CACNA2D1: variants seen among roughly 807,000 people sequenced by gnomAD.
CACNA2D1 encodes voltage-dependent calcium channel subunit alpha-2/delta-1.
CACNA2D1 carries 53 observed loss-of-function variants against 171.5 expected under a neutral mutation model. The ratio of observed to expected loss-of-function variants is 0.31; its 90% CI spans 0.25 to 0.39. The LOEUF (loss-of-function observed/expected upper bound fraction) is 0.39. Among genes scored for constraint, CACNA2D1 ranks in the 10% least tolerant of loss-of-function variants. The pLI is 1.00. For missense variants in CACNA2D1, 903 were observed against 1,299.8 expected, an observed-to-expected ratio of 0.69 and a Z score of 4.69; for synonymous variants, 442 against 443.1, an observed-to-expected ratio of 1.00 and a Z score of 0.03.
At chr7:82,015,210 A>G (rs1173065072) in intron 12 of CACNA2D1, among the ~76,000 whole-genome samples, 1 of 152,348 alleles carries the variant, frequency 6.6e-6, no homozygotes, top group African/African-American at 2.4e-5. Context: ...GTAATGAAAA[A>G]GTATTCAGAA....
At chr7:82,147,486 A>C (rs1314274866) in intron 4 of CACNA2D1, among the ~76,000 whole-genome samples, 1 of 152,156 alleles carries the variant, frequency 6.6e-6, no homozygotes, top group African/African-American at 2.4e-5. Flanking sequence ...AATCTCCTTT[A>C]ATCTGTAATT....
intron 3 of CACNA2D1, among the ~76,000 whole-genome samples, chr7:82,174,128 G>C (rs1368920449): frequency 7.0e-6 from 1 of 142,586 alleles, no homozygotes; most frequent in Non-Finnish European, 1.5e-5. Flanking sequence ...TGTTTCCATA[G>C]TTGGCTATAT....
chr7:82,405,321 T>C (rs1826904423), intron 1 of CACNA2D1, among the ~76,000 whole-genome samples: 1 of 152,156 alleles, frequency 6.6e-6, no homozygotes, highest in Non-Finnish European at 1.5e-5. Context: ...AGAATGGTCT[T>C]TTACTAATAA....
chr7:82,410,883 G>A (rs1827572220), intron 1 of CACNA2D1, among the ~76,000 whole-genome samples: 1 of 152,136 alleles, frequency 6.6e-6, no homozygotes, highest in South Asian at 2.1e-4. Flanking sequence ...AATCATAAAA[G>A]GAATCTTTTT....
At chr7:82,308,319 G>A (rs188822061) in intron 3 of CACNA2D1, among the ~76,000 whole-genome samples, 4 of 152,224 alleles carry the variant, frequency 2.6e-5, no homozygotes, top group Non-Finnish European at 4.4e-5. Flanking sequence ...TGAGAGTTAC[G>A]GTTGTCACAT....
intron 1 of CACNA2D1, among the ~76,000 whole-genome samples, chr7:82,363,254 C>CTCTTTTTTTTTTTTTT (rs1821286522): frequency 9.5e-5 from 6 of 63,432 alleles, no homozygotes; most frequent in African/African-American, 4.2e-4. Context: ...TTATTTGTCT[C>CTCTTTTTTTTTTTTTT]TTTTTTTTTT....
intron 11 of CACNA2D1, 94 bp downstream of exon 11, chr7:82,037,983 A>G (rs1262613781): frequency 2.5e-6 from 3 of 1,211,688 alleles, no homozygotes; most frequent in East Asian, 2.3e-5. Flanking sequence ...AAACAGCACT[A>G]TCTAATCCCA....
At chr7:81,986,496 A>G (rs1796986427) in intron 21 of CACNA2D1, among the ~76,000 whole-genome samples, 1 of 149,974 alleles carries the variant, frequency 6.7e-6, no homozygotes, top group Non-Finnish European at 1.5e-5. Context: ...TGGACAATAT[A>G]GAATAGGGAA....
chr7:82,186,102 G>T (rs1423560807), intron 3 of CACNA2D1, among the ~76,000 whole-genome samples: 2 of 149,812 alleles, frequency 1.3e-5, no homozygotes, highest in Non-Finnish European at 3.0e-5. Context: ...GCTGCAGTGG[G>T]ACAAGTTCGC....
chr7:82,030,305 C>T (rs554635978), intron 12 of CACNA2D1, among the ~76,000 whole-genome samples: 2 of 150,866 alleles, frequency 1.3e-5, no homozygotes, highest in African/African-American at 2.4e-5. Context: ...TTCCTTATAA[C>T]ATAAAACTTT....
At chr7:82,047,104 A>C (rs1407267509) in intron 10 of CACNA2D1, among the ~76,000 whole-genome samples, 1 of 152,090 alleles carries the variant, frequency 6.6e-6, no homozygotes, top group Non-Finnish European at 1.5e-5. Flanking sequence ...ACCATCTCTT[A>C]ACCAACCACT....
At chr7:82,443,299 C>T (rs1830650058) in intron 1 of CACNA2D1, 66 bp downstream of exon 1, 6 of 1,499,478 alleles carry the variant, frequency 4.0e-6, no homozygotes, top group African/African-American at 1.4e-5. Context: ...ACTCGGGAAC[C>T]GACCCCCACC....
intron 1 of CACNA2D1, among the ~76,000 whole-genome samples, chr7:82,380,616 T>C (rs540002699): frequency 8.5e-5 from 13 of 152,160 alleles, no homozygotes; most frequent in African/African-American, 3.1e-4. Context: ...AATTAAAATT[T>C]ATATAATTAA....
At chr7:82,086,782 A>C (rs1477641547) in intron 6 of CACNA2D1, among the ~76,000 whole-genome samples, 2 of 151,996 alleles carry the variant, frequency 1.3e-5, no homozygotes, top group Non-Finnish European at 2.9e-5. Flanking sequence ...ATTTTTAATA[A>C]AGTTTTATTT....
intron 1 of CACNA2D1, among the ~76,000 whole-genome samples, chr7:82,383,497 T>C (rs1472632884): frequency 6.6e-6 from 1 of 152,212 alleles, no homozygotes; most frequent in African/African-American, 2.4e-5. Context: ...AGAAGAATGA[T>C]GTTATTTAAA....
intron 5 of CACNA2D1, among the ~76,000 whole-genome samples, chr7:82,120,388 A>C (rs1348487217): frequency 6.6e-6 from 1 of 152,232 alleles, no homozygotes; most frequent in Non-Finnish European, 1.5e-5. Flanking sequence ...TACTGATTTT[A>C]GAATTTTTTA....
chr7:82,158,068 ATGC>A (rs986482186), intron 4 of CACNA2D1, among the ~76,000 whole-genome samples: 3 of 151,978 alleles, frequency 2.0e-5, no homozygotes, highest in African/African-American at 7.2e-5. Context: ...TGTTTTCAGC[ATGC>A]TGAATATATG....
At chr7:82,429,486 T>C (rs1829489942) in intron 1 of CACNA2D1, among the ~76,000 whole-genome samples, 1 of 152,154 alleles carries the variant, frequency 6.6e-6, no homozygotes, top group African/African-American at 2.4e-5. Flanking sequence ...GGAGCCAATT[T>C]ACTTCACATG....
chr7:82,417,238 T>G (rs1438081325), intron 1 of CACNA2D1, among the ~76,000 whole-genome samples: 1 of 152,222 alleles, frequency 6.6e-6, no homozygotes, highest in South Asian at 2.1e-4. Context: ...CTGAACAGTT[T>G]TGAGAGTGAA....
Sources: allele counts gnomAD v4.1 joint callset (sites outside exome capture counted in the v4.1 genomes callset), GRCh38; gene constraint gnomAD v4.1.1; transcripts MANE v1.5; gene names NCBI Gene and HGNC (gene_info 2026-07-23, HGNC 2026-07-21).